Variants in STIM2 observed in about 807,000 individuals in gnomAD.
STIM2 encodes the protein stromal interaction molecule 2.
Under a neutral mutation model 85.8 loss-of-function variants are expected in STIM2, and 31 were observed. The observed-to-expected ratio is 0.36, with a 90% CI of 0.27 to 0.49. STIM2 has a LOEUF of 0.49. STIM2 is among the 20% of genes least tolerant of loss of function. The pLI, the probability that STIM2 is intolerant of heterozygous loss-of-function variation, is 0.98. For synonymous variants in STIM2, 356 were observed against 331.1 expected (o/e 1.08, Z -0.82); for missense variants, 841 against 927.6 (o/e 0.91, Z 1.21).
At chr4:26,900,325 G>C (rs189301969) in intron 1 of STIM2, among the ~76,000 whole-genome samples, 1 of 152,298 alleles carries the variant, frequency 6.6e-6, no homozygotes, top group East Asian at 1.9e-4. Context: ...GTACATAGTT[G>C]AGTGTATTAT....
chr4:26,974,372 C>T (rs1293023483), intron 3 of STIM2, among the ~76,000 whole-genome samples: 4 of 152,120 alleles, frequency 2.6e-5, no homozygotes, highest in African/African-American at 7.2e-5. Flanking sequence ...TGGCTAGTAC[C>T]GGTTTTTTCT....
At chr4:26,991,936 G>A (rs1467849173) in intron 3 of STIM2, among the ~76,000 whole-genome samples, 1 of 152,034 alleles carries the variant, frequency 6.6e-6, no homozygotes, top group Non-Finnish European at 1.5e-5. Flanking sequence ...CTGTAGCTCT[G>A]CAGATTGGGA....
intron 2 of STIM2, among the ~76,000 whole-genome samples, chr4:26,940,724 CTTAGT>C (rs1389100925): frequency 2.0e-5 from 3 of 152,076 alleles, no homozygotes; most frequent in Admixed American, 6.6e-5. Context: ...ACAATTATTA[CTTAGT>C]TTAAACATTT....
At chr4:26,915,794 C>T (rs1724556294) in intron 1 of STIM2, among the ~76,000 whole-genome samples, 1 of 152,176 alleles carries the variant, frequency 6.6e-6, no homozygotes, top group African/African-American at 2.4e-5. Context: ...TTGCATTTAA[C>T]ACAAGGTGAG....
At chr4:27,004,147 AT>A (rs1728254639) in intron 7 of STIM2, among the ~76,000 whole-genome samples, 1 of 152,168 alleles carries the variant, frequency 6.6e-6, no homozygotes, top group South Asian at 2.1e-4. Flanking sequence ...ATGAGAATAC[AT>A]TACTGTTTCC....
chr4:26,873,653 A>G (rs371644830), intron 1 of STIM2: 62 of 651,696 alleles, frequency 9.5e-5, no homozygotes, highest in East Asian at 5.5e-4. Context: ...TAAATGAGAG[A>G]GACGCTCATG....
rs949247312 is a variant in STIM2 at position 27,011,017 on chromosome 4, G to A, written c.1489+2015G>A. Among the ~76,000 whole-genome samples, 5 of 152,128 alleles carry A rather than the reference G, an allele frequency of 3.3e-5. No individual in the cohort carries two copies. The South Asian group carries it at 1.0e-3, about 32-fold the overall frequency. On this transcript the variant is annotated intron_variant, in intron 10 of 11. Coordinates refer to ENST00000467087, the MANE Select transcript of STIM2 (RefSeq NM_020860.4). ...CACTTAAAGTGACTGAAAATAATAT[G>A]CCCACCTACCAAAAAGATAAACAGG...
chr4:26,934,479 TCTC>T (rs1363005375), intron 2 of STIM2, among the ~76,000 whole-genome samples: 1 of 152,230 alleles, frequency 6.6e-6, no homozygotes, highest in African/African-American at 2.4e-5. Context: ...TATTTGTTCT[TCTC>T]TAATTTTCAT....
At chr4:26,918,246 T>A (rs941129086) in intron 1 of STIM2, among the ~76,000 whole-genome samples, 3 of 151,406 alleles carry the variant, frequency 2.0e-5, no homozygotes, top group African/African-American at 7.3e-5. Flanking sequence ...TTTTTTTTTT[T>A]AGAAAATAAA....
At chr4:26,877,603 A>T (rs1722859464) in intron 1 of STIM2, among the ~76,000 whole-genome samples, 1 of 151,386 alleles carries the variant, frequency 6.6e-6, no homozygotes, top group South Asian at 2.1e-4. Flanking sequence ...CTCCTCTGTC[A>T]CACTGTTGGT....
intron 1 of STIM2, among the ~76,000 whole-genome samples, chr4:26,879,945 A>G (rs1279329926): frequency 6.6e-6 from 1 of 152,102 alleles, no homozygotes; most frequent in Non-Finnish European, 1.5e-5. Flanking sequence ...CTGGGCTACC[A>G]TTCCCTCTTA....
At chr4:27,021,617 G>T (rs1383900012) in intron 11 of STIM2, 1 of 456,742 alleles carries the variant, frequency 2.2e-6, no homozygotes, top group Non-Finnish European at 4.4e-6. Context: ...TTTCAAGTAA[G>T]TGAATGATAT....
At chr4:26,923,170 CTGTT>C (rs1577440129) in intron 2 of STIM2, among the ~76,000 whole-genome samples, 1 of 151,528 alleles carries the variant, frequency 6.6e-6, no homozygotes, top group East Asian at 1.9e-4. Context: ...AGGGTCCTGT[CTGTT>C]AGAAGGAAAA....
intron 3 of STIM2, among the ~76,000 whole-genome samples, chr4:26,962,785 G>C (rs922563876): frequency 6.6e-6 from 1 of 152,128 alleles, no homozygotes; most frequent in Non-Finnish European, 1.5e-5. Context: ...GCAGGAAATT[G>C]TACATAGAAA....
chr4:26,982,050 A>C (rs62302538), intron 3 of STIM2, among the ~76,000 whole-genome samples: 1 of 151,948 alleles, frequency 6.6e-6, no homozygotes, highest in Non-Finnish European at 1.5e-5. Flanking sequence ...TAGCATCTAT[A>C]AATTTTTTTT....
At chr4:26,937,268 T>G (rs1326289094) in intron 2 of STIM2, among the ~76,000 whole-genome samples, 1 of 152,238 alleles carries the variant, frequency 6.6e-6, no homozygotes, top group Non-Finnish European at 1.5e-5. Flanking sequence ...AAGAATTTCC[T>G]ATTAAACATT....
At chr4:26,867,413 G>A (rs1364201581) in intron 1 of STIM2, among the ~76,000 whole-genome samples, 1 of 152,152 alleles carries the variant, frequency 6.6e-6, no homozygotes, top group Non-Finnish European at 1.5e-5. Context: ...AGTTGCAAAT[G>A]TATTTGCCAG....
chr4:26,985,456 A>G (rs1440073842), intron 3 of STIM2, among the ~76,000 whole-genome samples: 1 of 152,214 alleles, frequency 6.6e-6, no homozygotes, highest in African/African-American at 2.4e-5. Context: ...GTTTTAGAAT[A>G]TGGTATTTTA....
intron 1 of STIM2, among the ~76,000 whole-genome samples, chr4:26,916,004 T>C (rs901961493): frequency 1.7e-4 from 26 of 152,222 alleles, no homozygotes; most frequent in African/African-American, 5.8e-4. Flanking sequence ...CTATAAAATA[T>C]AAGCAAAGGA....
Sources: gnomAD v4.1 joint callset for allele counts (sites outside exome capture counted in the v4.1 genomes callset) on GRCh38, gnomAD v4.1.1 for gene constraint, MANE v1.5 for transcripts, NCBI Gene and HGNC (gene_info 2026-07-23, HGNC 2026-07-21) for gene names.